FHIT: variants seen among roughly 807,000 people sequenced by gnomAD.
FHIT encodes bis(5'-adenosyl)-triphosphatase.
A neutral mutation model predicts 17.9 loss-of-function variants in FHIT; 19 were observed. The observed-to-expected ratio is 1.06, with a 90% CI of 0.74 to 1.56. The LOEUF (loss-of-function observed/expected upper bound fraction) is 1.56, where lower values mean the gene tolerates loss of function less well. Ranked by LOEUF, FHIT falls within the 40% of genes most tolerant of loss-of-function variation. The pLI is 0.00. For missense variants in FHIT, 248 were observed against 189.2 expected, an observed-to-expected ratio of 1.31 and a Z score of -1.82; for synonymous variants, 81 against 69.7, an observed-to-expected ratio of 1.16 and a Z score of -0.81.
intron 5 of FHIT, among the ~76,000 whole-genome samples, chr3:60,032,225 T>C (rs1008875962): frequency 1.3e-5 from 2 of 152,068 alleles, no homozygotes; most frequent in African/African-American, 2.4e-5. Flanking sequence ...AAAATCATTA[T>C]TGGGTGGGAG....
intron 4 of FHIT, among the ~76,000 whole-genome samples, chr3:60,581,057 C>CAA (rs1320949091): frequency 6.6e-6 from 1 of 152,020 alleles, no homozygotes; most frequent in Non-Finnish European, 1.5e-5. Context: ...AGAGAGTACA[C>CAA]AAGAAGCAAG....
intron 5 of FHIT, among the ~76,000 whole-genome samples, chr3:60,372,752 C>T (rs1700382042): frequency 6.6e-6 from 1 of 152,104 alleles, no homozygotes; most frequent in South Asian, 2.1e-4. Flanking sequence ...TTATTTCTTC[C>T]TTATCTATGG....
chr3:60,099,263 T>C (rs1156639414), intron 5 of FHIT, among the ~76,000 whole-genome samples: 1 of 152,156 alleles, frequency 6.6e-6, no homozygotes, highest in Non-Finnish European at 1.5e-5. Context: ...ACCAAGAATT[T>C]TTAACATCTG....
At chr3:60,492,105 C>T (rs144301805) in intron 5 of FHIT, among the ~76,000 whole-genome samples, 252 of 152,212 alleles carry the variant, frequency 1.7e-3, no homozygotes, top group African/African-American at 6.0e-3. Flanking sequence ...CTTAAGTATC[C>T]TATTTCCACT....
chr3:60,023,839 A>G (rs555209131), intron 5 of FHIT, among the ~76,000 whole-genome samples: 5 of 152,292 alleles, frequency 3.3e-5, no homozygotes. Flanking sequence ...AATGTCATGT[A>G]GGCTTATTCA....
intron 3 of FHIT, among the ~76,000 whole-genome samples, chr3:60,904,976 G>C (rs56778097): frequency 0.029 from 4,307 of 149,052 alleles, 204 homozygotes; most frequent in African/African-American, 0.1. Flanking sequence ...CCCATTTTTA[G>C]AATAAGAAAA....
At chr3:60,910,305 G>A (rs567647829) in intron 3 of FHIT, among the ~76,000 whole-genome samples, 1 of 152,090 alleles carries the variant, frequency 6.6e-6, no homozygotes, top group East Asian at 1.9e-4. Flanking sequence ...TGTGACTGAA[G>A]AAAAGATGAA....
At chr3:59,778,850 C>G (rs1323609021) in intron 8 of FHIT, among the ~76,000 whole-genome samples, 1 of 152,172 alleles carries the variant, frequency 6.6e-6, no homozygotes. Flanking sequence ...GTGAGTGGAC[C>G]TGGAGCTGCT....
chr3:60,195,584 T>C (rs1291081151), intron 5 of FHIT, among the ~76,000 whole-genome samples: 1 of 134,768 alleles, frequency 7.4e-6, no homozygotes, highest in East Asian at 2.8e-4. Flanking sequence ...ATTATATTTA[T>C]ATTTATATAT....
chr3:61,237,505 T>A (rs1216916567), intron 1 of FHIT, among the ~76,000 whole-genome samples: 4 of 152,210 alleles, frequency 2.6e-5, no homozygotes, highest in Non-Finnish European at 2.9e-5. Context: ...TACATTTATT[T>A]GATGGTCAAA....
chr3:61,207,989 G>T (rs1040430643), intron 1 of FHIT, among the ~76,000 whole-genome samples: 2 of 151,792 alleles, frequency 1.3e-5, no homozygotes, highest in African/African-American at 4.8e-5. Flanking sequence ...GCTTTGAATG[G>T]GTCCAAGAGA....
In FHIT at chr3:60,185,203, G is replaced by A. The variant is rs117964899; in HGVS notation, c.104-171051C>T. On this transcript the variant is annotated intron_variant, in intron 5 of 9. Transcript: ENST00000492590. ...ACCCTGGTTTTAGTAAATGCAGAAT[G>A]TCAGGTATCCACCATTTACAGCGTC... Among the ~76,000 whole-genome samples, 270 of 152,174 alleles carry A rather than the reference G, an allele frequency of 1.8e-3. 6 individuals are homozygous for A. The East Asian group carries it at 0.044, about 25-fold the overall frequency.
At chr3:60,823,111 C>A (rs1359089601) in intron 3 of FHIT, among the ~76,000 whole-genome samples, 2 of 152,176 alleles carry the variant, frequency 1.3e-5, no homozygotes, top group South Asian at 2.1e-4. Flanking sequence ...AGGTGTCAGG[C>A]ACTATTCTCT....
intron 5 of FHIT, among the ~76,000 whole-genome samples, chr3:60,406,025 A>C (rs1028722678): frequency 6.6e-6 from 1 of 152,190 alleles, no homozygotes; most frequent in African/African-American, 2.4e-5. Context: ...TAACTGCTCA[A>C]TTATTATTAG....
At chr3:60,904,855 C>G (rs930564785) in intron 3 of FHIT, among the ~76,000 whole-genome samples, 1 of 150,580 alleles carries the variant, frequency 6.6e-6, no homozygotes, top group Non-Finnish European at 1.5e-5. Context: ...CAGAGAATTG[C>G]TTGAACCCGG....
At chr3:59,782,018 C>T (rs1439190259) in intron 8 of FHIT, among the ~76,000 whole-genome samples, 1 of 151,398 alleles carries the variant, frequency 6.6e-6, no homozygotes, top group African/African-American at 2.4e-5. Flanking sequence ...GAGGAACACT[C>T]AGAAAATGTG....
At chr3:60,804,851 G>T (rs917924646) in intron 4 of FHIT, among the ~76,000 whole-genome samples, 5 of 152,188 alleles carry the variant, frequency 3.3e-5, no homozygotes, top group Non-Finnish European at 7.3e-5. Flanking sequence ...CCTCCGAGGA[G>T]ACTTCTCTGC....
intron 5 of FHIT, among the ~76,000 whole-genome samples, chr3:60,026,443 CTTCA>C (rs1241239898): frequency 6.6e-6 from 1 of 152,088 alleles, no homozygotes; most frequent in Non-Finnish European, 1.5e-5. Flanking sequence ...GAACCCAGAT[CTTCA>C]TTCATCTCAT....
At chr3:60,043,262 G>T (rs1415192737) in intron 5 of FHIT, among the ~76,000 whole-genome samples, 1 of 152,202 alleles carries the variant, frequency 6.6e-6, no homozygotes, top group Admixed American at 6.5e-5. Context: ...AATTCTTTGG[G>T]ACATTAAACC....
Sources: allele counts gnomAD v4.1 joint callset (sites outside exome capture counted in the v4.1 genomes callset), GRCh38; gene constraint gnomAD v4.1.1; transcripts MANE v1.5; gene names NCBI Gene and HGNC (gene_info 2026-07-23, HGNC 2026-07-21).